Variants in GABBR2 observed in about 807,000 individuals in gnomAD.
GABBR2 encodes gamma-aminobutyric acid type B receptor subunit 2.
A neutral mutation model predicts 105.6 loss-of-function variants in GABBR2; 23 were observed. The ratio of observed to expected loss-of-function variants is 0.22; its 90% confidence interval spans 0.16 to 0.31. The LOEUF (loss-of-function observed/expected upper bound fraction) is 0.31. Ranked by LOEUF, GABBR2 falls within the 10% of genes least tolerant of loss-of-function variation. The pLI is 1.00. For missense variants in GABBR2, 734 were observed against 1,245.5 expected (o/e 0.59, Z 6.18); for synonymous variants, 478 against 499.7 (o/e 0.96, Z 0.58).
chr9:98,568,056 T>G (rs1828775668), intron 2 of GABBR2, among the ~76,000 whole-genome samples: 1 of 152,190 alleles, frequency 6.6e-6, no homozygotes, highest in Admixed American at 6.5e-5. Context: ...TCTCTTCCCC[T>G]GAAGATCGGA....
At chr9:98,599,819 T>A (rs10986948) in intron 1 of GABBR2, among the ~76,000 whole-genome samples, 95,828 of 152,026 alleles carry the variant, frequency 0.63, 30,569 homozygotes, top group Non-Finnish European at 0.66. Context: ...AGTGTCTGAA[T>A]TAGAAGGTGA....
At chr9:98,408,169 C>G (rs151121945) in intron 7 of GABBR2, among the ~76,000 whole-genome samples, 1 of 152,148 alleles carries the variant, frequency 6.6e-6, no homozygotes, top group Non-Finnish European at 1.5e-5. Context: ...CCTTGGGAAG[C>G]GAGTTTCAAC....
chr9:98,539,648 G>A (rs1038404891), intron 3 of GABBR2, among the ~76,000 whole-genome samples: 2 of 152,158 alleles, frequency 1.3e-5, no homozygotes, highest in Non-Finnish European at 2.9e-5. Flanking sequence ...GCCGGGCCCG[G>A]TGGCTCATGC....
At chr9:98,606,690 G>A (rs1306358963) in intron 1 of GABBR2, 1 of 207,134 alleles carries the variant, frequency 4.8e-6, no homozygotes, top group African/African-American at 2.3e-5. Flanking sequence ...ATGTTGGTCA[G>A]GCTGGTCTCA....
intron 3 of GABBR2, among the ~76,000 whole-genome samples, chr9:98,508,320 A>G (rs975675868): frequency 3.9e-5 from 6 of 152,360 alleles, no homozygotes; most frequent in Non-Finnish European, 8.8e-5. Context: ...GCTCCGGTCT[A>G]CAGTTCCCAG....
chr9:98,333,947 C>T (rs1831071265), intron 13 of GABBR2, among the ~76,000 whole-genome samples: 1 of 152,204 alleles, frequency 6.6e-6, no homozygotes, highest in African/African-American at 2.4e-5. Flanking sequence ...TGGTAATTCC[C>T]ACATGGGGTT....
chr9:98,633,979 A>C (rs550615329), intron 1 of GABBR2, among the ~76,000 whole-genome samples: 1 of 152,286 alleles, frequency 6.6e-6, no homozygotes, highest in East Asian at 1.9e-4. Flanking sequence ...GTGGTCAGTT[A>C]CACTGGCCAC....
At chr9:98,418,982 G>C (rs1832735480) in intron 7 of GABBR2, among the ~76,000 whole-genome samples, 1 of 152,226 alleles carries the variant, frequency 6.6e-6, no homozygotes, top group Admixed American at 6.5e-5. Flanking sequence ...TTGTTAAATA[G>C]ATTAGGCTCC....
intron 1 of GABBR2, among the ~76,000 whole-genome samples, chr9:98,697,007 G>GA (rs1304588226): frequency 2.0e-5 from 3 of 151,940 alleles, no homozygotes; most frequent in Non-Finnish European, 4.4e-5. Flanking sequence ...TTTTATCGGA[G>GA]AAAAAAAACT....
intron 13 of GABBR2, among the ~76,000 whole-genome samples, chr9:98,323,004 CCAAT>C (rs1009882477): frequency 3.9e-5 from 6 of 152,060 alleles, no homozygotes; most frequent in Non-Finnish European, 8.8e-5. Context: ...CCCATTTCAC[CCAAT>C]CAATCAACCA....
At chr9:98,395,484 C>A (rs144751870) in intron 8 of GABBR2, among the ~76,000 whole-genome samples, 1 of 152,122 alleles carries the variant, frequency 6.6e-6, no homozygotes, top group East Asian at 1.9e-4. Context: ...ATGAGACCCC[C>A]AGGGAAAGTG....
intron 13 of GABBR2, among the ~76,000 whole-genome samples, chr9:98,362,186 C>A (rs1831597253): frequency 6.6e-6 from 1 of 152,210 alleles, no homozygotes; most frequent in Admixed American, 6.5e-5. Context: ...CCTAGAAAGA[C>A]CAGTGCGAGT....
chr9:98,402,272 C>A (rs1400543284), intron 8 of GABBR2, among the ~76,000 whole-genome samples: 2 of 152,176 alleles, frequency 1.3e-5, no homozygotes, highest in Non-Finnish European at 2.9e-5. Flanking sequence ...ACTTCCTTCC[C>A]TGCTGCAAAT....
intron 7 of GABBR2, among the ~76,000 whole-genome samples, chr9:98,448,270 C>T (rs1189122154): frequency 6.6e-6 from 1 of 151,844 alleles, no homozygotes; most frequent in Non-Finnish European, 1.5e-5. Context: ...GCCCTCTTCT[C>T]ATAATCCGAG....
chr9:98,626,373 T>C (rs778800450), intron 1 of GABBR2, among the ~76,000 whole-genome samples: 1 of 152,202 alleles, frequency 6.6e-6, no homozygotes, highest in Non-Finnish European at 1.5e-5. Flanking sequence ...AGATTACACA[T>C]TTTAAATGGG....
chr9:98,633,837 G>C (rs578193363), intron 1 of GABBR2, among the ~76,000 whole-genome samples: 1 of 152,238 alleles, frequency 6.6e-6, no homozygotes, highest in South Asian at 2.1e-4. Context: ...TCCATCAGAG[G>C]AGTCCTGTGT....
intron 7 of GABBR2, among the ~76,000 whole-genome samples, chr9:98,435,380 C>T (rs1198674194): frequency 6.6e-6 from 1 of 152,136 alleles, no homozygotes; most frequent in Non-Finnish European, 1.5e-5. Context: ...CTCCATCATC[C>T]CCTCTCTTCT....
chr9:98,602,381 A>G (rs1246917370), intron 1 of GABBR2, among the ~76,000 whole-genome samples: 1 of 151,034 alleles, frequency 6.6e-6, no homozygotes, highest in African/African-American at 2.4e-5. Context: ...CTGAGGCAGG[A>G]GAATCGCTTG....
At chr9:98,612,447 CG>C (rs1681257671) in intron 1 of GABBR2, among the ~76,000 whole-genome samples, 1 of 152,190 alleles carries the variant, frequency 6.6e-6, no homozygotes, top group Non-Finnish European at 1.5e-5. Context: ...ACTAGAGGGC[CG>C]CTTCTAACCC....
Sources: allele counts gnomAD v4.1 joint callset (sites outside exome capture counted in the v4.1 genomes callset), GRCh38; gene constraint gnomAD v4.1.1; transcripts MANE v1.5; gene names NCBI Gene and HGNC (gene_info 2026-07-23, HGNC 2026-07-21).